SETMAR: variants seen among roughly 807,000 people sequenced by gnomAD.
The protein encoded by SETMAR is SET and mariner transposase domain methyltransferase.
SETMAR carries 44 observed loss-of-function variants against 58.4 expected under a neutral mutation model. The ratio of observed to expected loss-of-function variants is 0.75; its 90% CI spans 0.59 to 0.97. The LOEUF (loss-of-function observed/expected upper bound fraction) is 0.97. SETMAR is among the 50% of genes least tolerant of loss of function. The probability of loss-of-function intolerance (pLI) is 0.00; values close to 1 mark genes in which losing one functional copy is unlikely to be tolerated. For missense variants in SETMAR, 903 were observed against 840.2 expected (o/e 1.07, Z -0.92); for synonymous variants, 332 against 307.4 (o/e 1.08, Z -0.84).
At chr3:4,312,051 G>T (rs558311185) in intron 1 of SETMAR, among the ~76,000 whole-genome samples, 2 of 152,056 alleles carry the variant, frequency 1.3e-5, no homozygotes, top group Admixed American at 1.3e-4. Flanking sequence ...TTAAATGACA[G>T]ATTTTTTTCA....
rs868249273 is a variant in SETMAR at position 4,303,729 on chromosome 3, G to A, written c.156+203G>A. 103 of 1,497,752 alleles carry A rather than the reference G, an allele frequency of 6.9e-5. 1 individual carries two copies. In the African/African-American group the frequency reaches 1.3e-3, roughly 19 times the overall value. 92.8% of individuals were successfully genotyped at this position (1,497,752 alleles called of 1,614,324 possible). A position where few individuals can be genotyped will look rare whatever the true frequency, so the allele number is the denominator to read the frequency against. On this transcript the variant is annotated intron_variant, in intron 1 of 2. Transcript: ENST00000358065. ...ACGGCATCACCTTAGCAAGGGTGTT[G>A]TCCTTTTCAGTCCATTCCCTGAAGC...
intron 1 of SETMAR, 70 bp downstream of exon 1, chr3:4,303,596 C>G (rs1364693538): frequency 2.9e-6 from 4 of 1,375,806 alleles, no homozygotes; most frequent in Non-Finnish European, 2.8e-6. Context: ...CAAGCCGCCT[C>G]GCTGGGACGG....
chr3:4,316,524 C>T lies in SETMAR; in HGVS notation c.1333C>T (p.Arg445Ter), dbSNP rs767439239. Residue 445 changes from arginine (R) to a stop codon, truncating the protein, a stop_gained, in exon 3 of 3, where the codon CGA (arginine) becomes TGA (stop). Coordinates refer to ENST00000358065, the MANE Select transcript of SETMAR (RefSeq NM_006515.4). LOFTEE classifies it high-confidence loss of function. ...ELNVNHSTVVRHLKQIGKVKK... is the reference protein window; with the variant it reads ...ELNVNHSTVV The stretch of plus-strand genomic sequence containing the variant: ...CAATGTCAACCATTCTACGGTCGTT[C>T]GACATTTGAAGCAAATTGGAAAGGT... 3.7e-5 allele frequency: 59 copies of T among 1,580,888 alleles called. No individual in the cohort carries two copies. In the Admixed American group the frequency reaches 6.9e-4, roughly 19 times the overall value.
chr3:4,305,409 G>A (rs1376815845), intron 1 of SETMAR, among the ~76,000 whole-genome samples: 1 of 152,136 alleles, frequency 6.6e-6, no homozygotes, highest in African/African-American at 2.4e-5. Context: ...AGTTTTAATT[G>A]TGGGGAGGAG....
rs770972291 is a variant in SETMAR, at chr3:4,313,606, T to C, written c.865T>C (p.Cys289Arg). ...DHGKLRKPCY[C>R]GAKSCTAFLP... ...TGGGAAACTAAGGAAACCTTGTTAC[T>C]GTGGTGCCAAATCATGTACTGCTTT... The change falls in exon 2 of 3, where the codon TGT becomes CGT. Residue 289 changes from cysteine to arginine, a missense_variant. Coordinates refer to ENST00000358065, the MANE Select transcript of SETMAR (RefSeq NM_006515.4). 6.2e-7 allele frequency: 1 copy of C among 1,614,114 alleles called. No individual in the cohort carries two copies. The highest frequency in any genetic ancestry group is 1.7e-5 in the Admixed American group (1 of 59,984).
chr3:4,303,463 G>C lies in SETMAR; in HGVS notation c.93G>C (p.Ala31=). 2 of 1,531,596 alleles carry C rather than the reference G, an allele frequency of 1.3e-6. No homozygotes were observed. The highest frequency in any genetic ancestry group is 1.3e-5 in the South Asian group (1 of 78,320). The allele number at this position is 1,531,596 out of a possible 1,614,324, so 94.9% of individuals were successfully genotyped here. A position where few individuals can be genotyped will look rare whatever the true frequency, so the allele number is the denominator to read the frequency against. Residue 31 remains alanine (A), a synonymous_variant, in exon 1 of 3, where the codon GCG becomes GCC. Transcript: ENST00000358065. ...CCCCGACTGAGCAGCTGGATGTCGC[G>C]TGCGGCCAGGAAAACTTGCCGGTGG... ...PEAPTEQLDV[A]CGQENLPVGA...
chr3:4,313,292 T>G lies in SETMAR; in HGVS notation c.551T>G (p.Leu184Ter). ...TCTGAAGTTCAGAGAAGAATTCACT[T>G]ACAAACAAAATCCGACTCCAATTAC... ...GFSEVQRRIH[L>*]QTKSDSNYII... Residue 184 changes from leucine to a stop codon, truncating the protein, a stop_gained, in exon 2 of 3, where the codon TTA (leucine) becomes TGA (stop). Transcript: ENST00000358065. LOFTEE classifies it high-confidence loss of function. 1 of 1,613,918 alleles carries G rather than the reference T, an allele frequency of 6.2e-7. No individual in the cohort carries two copies. The highest frequency in any genetic ancestry group is 8.5e-7 in the Non-Finnish European group (1 of 1,179,916).
rs1159845507 is a variant in SETMAR at position 4,312,855 on chromosome 3, T to G, written c.157-43T>G. ...AGCTACTTGGAATATATAGGAAATATATGACATGCCGTGCTGACTTACAGT... is the reference window on the plus strand; with the variant it reads ...AGCTACTTGGAATATATAGGAAATAGATGACATGCCGTGCTGACTTACAGT... On this transcript the variant is annotated intron_variant, in intron 1 of 2. Transcript: ENST00000358065. 1.9e-6 allele frequency: 3 copies of G among 1,547,262 alleles called. No individual in the cohort carries two copies. In the Admixed American group the frequency reaches 6.0e-5, roughly 31 times the overall value.
chr3:4,308,782 A>T (rs1206989960), intron 1 of SETMAR, among the ~76,000 whole-genome samples: 1 of 152,140 alleles, frequency 6.6e-6, no homozygotes, highest in Non-Finnish European at 1.5e-5. Flanking sequence ...CTAACCTCCT[A>T]ATTGAAGACA....
In SETMAR at chr3:4,316,413, C is replaced by T. The variant is rs761457087; in HGVS notation, c.1222C>T (p.Arg408Trp). ...CCTTGAAGATGAGGAGCGTAGTGGCCGGCCATCAGAAGTTGACAACGACCA... is the reference window on the plus strand; with the variant it reads ...CCTTGAAGATGAGGAGCGTAGTGGCTGGCCATCAGAAGTTGACAACGACCA... ...ESLEDEERSG[R>W]PSEVDNDQLR... The change falls in exon 3 of 3, where the codon CGG becomes TGG. Residue 408 changes from arginine to tryptophan, a missense_variant. Transcript: ENST00000358065. 22 of 1,582,776 alleles carry T rather than the reference C, an allele frequency of 1.4e-5. No individual in the cohort carries two copies. In the South Asian group the frequency reaches 1.7e-4, roughly 12 times the overall value.
In SETMAR at chr3:4,312,878, A is replaced by G. The variant is rs529926620; in HGVS notation, c.157-20A>G. ...TATATGACATGCCGTGCTGACTTAC[A>G]GTGTGTATATTTTTTACAGTACACT... On this transcript the variant is annotated intron_variant, in intron 1 of 2. Coordinates refer to ENST00000358065, the MANE Select transcript of SETMAR (RefSeq NM_006515.4). 26 of 1,590,654 alleles carry G rather than the reference A, an allele frequency of 1.6e-5. No individual in the cohort carries two copies. Among genetic ancestry groups the G allele is most frequent in the South Asian group, 4.6e-5 (4 of 86,642 alleles).
At chr3:4,311,083 G>T (rs755683765) in intron 1 of SETMAR, among the ~76,000 whole-genome samples, 28 of 152,124 alleles carry the variant, frequency 1.8e-4, no homozygotes, top group Admixed American at 4.6e-4. Context: ...ACAAACAAAA[G>T]CTATTTCCTC....
At chr3:4,314,812 C>A (rs1176325167) in intron 2 of SETMAR, among the ~76,000 whole-genome samples, 1 of 152,150 alleles carries the variant, frequency 6.6e-6, no homozygotes, top group African/African-American at 2.4e-5. Flanking sequence ...ATTTTGAAAG[C>A]TAAAATAATT....
intron 2 of SETMAR, chr3:4,314,142 C>A: frequency 3.9e-6 from 1 of 259,572 alleles, no homozygotes; most frequent in South Asian, 9.9e-5. Flanking sequence ...GGAAAGGAAG[C>A]CATTGCATAG....
chr3:4,313,878 A>G, intron 2 of SETMAR, 117 bp downstream of exon 2: 1 of 1,524,840 alleles, frequency 6.6e-7, no homozygotes, highest in Non-Finnish European at 8.8e-7. Flanking sequence ...AGAGACTGCA[A>G]GTTGTCCATC....
At chr3:4,312,875 T>TA in intron 1 of SETMAR, 23 bp from the exon 2 acceptor site, 2 of 1,588,800 alleles carry the variant, frequency 1.3e-6, no homozygotes, top group Non-Finnish European at 1.7e-6. Flanking sequence ...CGTGCTGACT[T>TA]ACAGTGTGTA....
At chr3:4,307,499 G>GT in intron 1 of SETMAR, among the ~76,000 whole-genome samples, 1 of 152,312 alleles carries the variant, frequency 6.6e-6, no homozygotes, top group Middle Eastern at 3.4e-3. Flanking sequence ...AACAGTAAAT[G>GT]TAAGTCTAGT....
In SETMAR at chr3:4,316,979, A is replaced by T; in HGVS notation, c.1788A>T (p.Gln596His). ...LHDNARPHVA[Q>H]PTLQKLNELG... ...ACAATGCCCGACCGCATGTTGCACA[A>T]CCCACACTTCAAAAGTTGAATGAAT... Residue 596 changes from glutamine (Q) to histidine (H), a missense_variant, in exon 3 of 3, where the codon CAA (glutamine) becomes CAT (histidine). Coordinates refer to ENST00000358065, the MANE Select transcript of SETMAR (RefSeq NM_006515.4). 6.5e-7 allele frequency: 1 copy of T among 1,549,374 alleles called. No individual in the cohort carries two copies.
chr3:4,303,812 C>G (rs1559211192), intron 1 of SETMAR: 1 of 1,389,134 alleles, frequency 7.2e-7, no homozygotes, highest in Admixed American at 2.2e-5. Flanking sequence ...CCTCAGAACT[C>G]AAGGAGGCAT....
Sources: gnomAD v4.1 joint callset for allele counts (sites outside exome capture counted in the v4.1 genomes callset) on GRCh38, gnomAD v4.1.1 for gene constraint, MANE v1.5 for transcripts, NCBI Gene and HGNC (gene_info 2026-07-23, HGNC 2026-07-21) for gene names.